Variants in PLCB1 observed in about 807,000 individuals in gnomAD.
The protein encoded by PLCB1 is 1-phosphatidylinositol 4,5-bisphosphate phosphodiesterase beta-1.
PLCB1 carries 46 observed loss-of-function variants against 161.8 expected under a neutral mutation model. The ratio of observed to expected loss-of-function variants is 0.28; its 90% CI spans 0.22 to 0.36. The LOEUF (loss-of-function observed/expected upper bound fraction) is 0.36. PLCB1 is among the 10% of genes least tolerant of loss of function. The probability of loss-of-function intolerance (pLI) is 1.00; values close to 1 mark genes in which losing one functional copy is unlikely to be tolerated. For synonymous variants in PLCB1, 517 were observed against 503.7 expected, an observed-to-expected ratio of 1.03 and a Z score of -0.35; for missense variants, 1,016 against 1,472.5, an observed-to-expected ratio of 0.69 and a Z score of 5.07.
chr20:8,433,882 A>T (rs1980177872), intron 3 of PLCB1, among the ~76,000 whole-genome samples: 1 of 152,188 alleles, frequency 6.6e-6, no homozygotes, highest in Non-Finnish European at 1.5e-5. Flanking sequence ...AGTCATGGGT[A>T]GCACCAAGGG....
At chr20:8,659,762 C>A (rs1420298075) in intron 9 of PLCB1, among the ~76,000 whole-genome samples, 2 of 151,980 alleles carry the variant, frequency 1.3e-5, no homozygotes, top group African/African-American at 4.8e-5. Flanking sequence ...GAGGCCAAGG[C>A]GGGTGGATCA....
At chr20:8,153,561 T>C (rs1225142931) in intron 2 of PLCB1, among the ~76,000 whole-genome samples, 1 of 152,070 alleles carries the variant, frequency 6.6e-6, no homozygotes, top group Non-Finnish European at 1.5e-5. Flanking sequence ...ACTATAAGAA[T>C]CTGCTCCACC....
chr20:8,779,294 C>T (rs761155338), intron 27 of PLCB1, among the ~76,000 whole-genome samples: 44 of 151,792 alleles, frequency 2.9e-4, no homozygotes, highest in Non-Finnish European at 5.7e-4. Context: ...GAATAAAACA[C>T]GATCACCACA....
chr20:8,164,936 A>C (rs1191241227), intron 2 of PLCB1, among the ~76,000 whole-genome samples: 1 of 152,232 alleles, frequency 6.6e-6, no homozygotes, highest in Non-Finnish European at 1.5e-5. Flanking sequence ...TTACTGACTG[A>C]CACATTGGAC....
intron 18 of PLCB1, 133 bp downstream of exon 18, chr20:8,729,307 G>T: frequency 4.1e-6 from 3 of 740,578 alleles, no homozygotes; most frequent in Non-Finnish European, 4.0e-6. Flanking sequence ...TTTCAATGAA[G>T]GGAATATCAA....
chr20:8,853,910 A>G (rs1203199597), intron 31 of PLCB1, among the ~76,000 whole-genome samples: 1 of 152,136 alleles, frequency 6.6e-6, no homozygotes, highest in East Asian at 1.9e-4. Flanking sequence ...CTAACCATTT[A>G]CTCGTAATGG....
chr20:8,374,301 C>T (rs1445653755), intron 3 of PLCB1, among the ~76,000 whole-genome samples: 1 of 152,172 alleles, frequency 6.6e-6, no homozygotes, highest in African/African-American at 2.4e-5. Flanking sequence ...AAGAAGATGC[C>T]TGCCTCCCCG....
At chr20:8,796,921 T>C (rs1372298033) in intron 31 of PLCB1, among the ~76,000 whole-genome samples, 2 of 152,254 alleles carry the variant, frequency 1.3e-5, no homozygotes, top group East Asian at 3.8e-4. Flanking sequence ...TTCTGCCCAT[T>C]TGGGATCATC....
At position 8,371,464 on chromosome 20, in the gene PLCB1, T is replaced by C. The variant is rs766145957; in HGVS notation, c.246+14T>C. ...AAAGCTCCCAAGGTAGGAGGTTGAG[T>C]GTTGTGCATGCACCAGATGCTGCCT... On this transcript the variant is annotated intron_variant, in intron 3 of 31. Coordinates refer to ENST00000338037, the MANE Select transcript of PLCB1 (RefSeq NM_015192.4). 6.3e-7 allele frequency: 1 copy of C among 1,579,572 alleles called. No individual in the cohort carries two copies. Among genetic ancestry groups the C allele is most frequent in the Non-Finnish European group, 8.7e-7 (1 of 1,151,574 alleles).
At chr20:8,634,604 T>C (rs1218406942) in intron 4 of PLCB1, among the ~76,000 whole-genome samples, 1 of 152,232 alleles carries the variant, frequency 6.6e-6, no homozygotes, top group Non-Finnish European at 1.5e-5. Context: ...CTCTCACACT[T>C]TGCTCTACAA....
At chr20:8,661,874 G>A (rs1989633192) in intron 9 of PLCB1, among the ~76,000 whole-genome samples, 2 of 140,568 alleles carry the variant, frequency 1.4e-5, no homozygotes, top group Admixed American at 1.6e-4. Flanking sequence ...AAGGCAAGAG[G>A]CTACACACAG....
chr20:8,637,671 T>C (rs1462344409), intron 4 of PLCB1, among the ~76,000 whole-genome samples: 2 of 152,228 alleles, frequency 1.3e-5, no homozygotes, highest in Admixed American at 6.5e-5. Flanking sequence ...TATATACTTG[T>C]TATTAGGAAT....
At chr20:8,627,788 A>G (rs1988402188) in intron 3 of PLCB1, among the ~76,000 whole-genome samples, 1 of 152,228 alleles carries the variant, frequency 6.6e-6, no homozygotes. Flanking sequence ...GGCAGGCACT[A>G]CGATTTTGCT....
chr20:8,538,795 CT>C (rs3032826), intron 3 of PLCB1, among the ~76,000 whole-genome samples: 12,417 of 141,484 alleles, frequency 0.088, 538 homozygotes, highest in Non-Finnish European at 0.11. Context: ...TTACAGCTAA[CT>C]TTTTTTTTTT....
chr20:8,512,831 T>C (rs117888313), intron 3 of PLCB1, among the ~76,000 whole-genome samples: 2,137 of 152,262 alleles, frequency 0.014, 28 homozygotes, highest in Non-Finnish European at 0.019. Context: ...CTCTTAGCAA[T>C]TTTGAACTAT....
chr20:8,789,370 C>G, intron 29 of PLCB1, 148 bp from the exon 30 acceptor site: 1 of 634,432 alleles, frequency 1.6e-6, no homozygotes, highest in Middle Eastern at 4.4e-4. Flanking sequence ...CAGAGCGAAA[C>G]CTTGTCTCCA....
In PLCB1 at chr20:8,167,842, A is replaced by G. The variant is rs1340859093; in HGVS notation, c.177+17471A>G. ...AAACAACAACCATTTTTTTGAGGTC[A>G]CCCTTCTTTGGGTTAACAATCTGGT... On this transcript the variant is annotated intron_variant, in intron 2 of 31. Coordinates refer to ENST00000338037, the MANE Select transcript of PLCB1 (RefSeq NM_015192.4). Among the ~76,000 whole-genome samples the G allele has an allele frequency of 2.0e-5, 3 of 152,146 alleles. No individual in the cohort carries two copies. The East Asian group carries it at 5.8e-4, about 29-fold the overall frequency.
chr20:8,736,097 C>G (rs992882573), intron 19 of PLCB1, among the ~76,000 whole-genome samples: 6 of 152,178 alleles, frequency 3.9e-5, no homozygotes, highest in Middle Eastern at 3.2e-3. Flanking sequence ...AAGTTCTTGA[C>G]CAGCAGGCAA....
intron 2 of PLCB1, among the ~76,000 whole-genome samples, chr20:8,220,003 C>A (rs546151981): frequency 6.6e-6 from 1 of 152,134 alleles, no homozygotes; most frequent in African/African-American, 2.4e-5. Context: ...GCCTGGCATA[C>A]AATAAGAATG....
Sources: allele counts gnomAD v4.1 joint callset (sites outside exome capture counted in the v4.1 genomes callset), GRCh38; gene constraint gnomAD v4.1.1; transcripts MANE v1.5; gene names NCBI Gene and HGNC (gene_info 2026-07-23, HGNC 2026-07-21).